LRRTM3: variants seen among roughly 807,000 people sequenced by gnomAD.
LRRTM3 encodes leucine-rich repeat transmembrane neuronal protein 3.
A neutral mutation model predicts 44.7 loss-of-function variants in LRRTM3; 24 were observed. That is an observed-to-expected ratio of 0.54 (90% CI 0.39 to 0.76). LRRTM3 has a LOEUF of 0.76. LRRTM3 is among the 30% of genes least tolerant of loss of function. LRRTM3 has a pLI of 0.00. For missense variants in LRRTM3, 587 were observed against 702.2 expected (o/e 0.84, Z 1.85); for synonymous variants, 277 against 278.7 (o/e 0.99, Z 0.06).
chr10:67,082,676 G>A (rs188195507), intron 2 of LRRTM3, among the ~76,000 whole-genome samples: 33 of 152,242 alleles, frequency 2.2e-4, no homozygotes, highest in African/African-American at 7.9e-4. Flanking sequence ...TTATTTCCAA[G>A]AAGGGCCCTT....
chr10:67,083,527 G>C (rs1857151846), intron 2 of LRRTM3, among the ~76,000 whole-genome samples: 1 of 152,018 alleles, frequency 6.6e-6, no homozygotes, highest in Non-Finnish European at 1.5e-5. Flanking sequence ...AACTACATTT[G>C]AGTTATATGT....
chr10:66,980,730 G>A (rs1850379086), intron 2 of LRRTM3, among the ~76,000 whole-genome samples: 1 of 152,098 alleles, frequency 6.6e-6, no homozygotes, highest in Admixed American at 6.5e-5. Flanking sequence ...TCTCCAAAAT[G>A]GGAATCGTCA....
rs142194084 is a variant in LRRTM3, at chr10:67,043,668, C to T, written c.1537-53919C>T. On this transcript the variant is annotated intron_variant, in intron 2 of 2. Transcript: ENST00000361320. ...GTTAACACCAATTCTTGCAGTAATG[C>T]CTACCCTTTAATCTCCCACTGCTCC... Among the ~76,000 whole-genome samples the T allele has an allele frequency of 9.2e-4, 140 of 152,138 alleles. 3 individuals carry two copies. Among genetic ancestry groups the T allele is most frequent in the African/African-American group, 3.2e-3 (134 of 41,510 alleles).
chr10:66,927,370 C>T lies in LRRTM3; in HGVS notation c.454C>T (p.Gln152Ter). 1 of 1,614,168 alleles carries T rather than the reference C, an allele frequency of 6.2e-7. No homozygotes were observed. Among genetic ancestry groups the T allele is most frequent in the Non-Finnish European group, 8.5e-7 (1 of 1,180,034 alleles). Residue 152 changes from glutamine to a stop codon, truncating the protein, a stop_gained, in exon 2 of 3, where the codon CAG becomes TAG. Transcript: ENST00000361320. LOFTEE classifies it high-confidence loss of function. This position sits in a 1 kb window ranked among gnomAD's most constrained non-coding sequence, Gnocchi z 4.7. Reference sequence around the variant, plus strand: ...TCAGCTGCATTCTCTGGGATCTGAACAGTTTCGGGGCTTGCGGAAGCTGCT... The same window carrying T: ...TCAGCTGCATTCTCTGGGATCTGAATAGTTTCGGGGCTTGCGGAAGCTGCT... ...YNQLHSLGSE[Q>*]FRGLRKLLSL...
chr10:66,974,440 C>T (rs1849908635), intron 2 of LRRTM3, among the ~76,000 whole-genome samples: 1 of 152,144 alleles, frequency 6.6e-6, no homozygotes, highest in Non-Finnish European at 1.5e-5. Context: ...CAGTTTTTGA[C>T]TATTGTGAAT....
chr10:66,961,209 A>G (rs1468854646), intron 2 of LRRTM3, among the ~76,000 whole-genome samples: 3 of 152,158 alleles, frequency 2.0e-5, no homozygotes, highest in African/African-American at 7.2e-5. Context: ...TTATGACAAT[A>G]TTGGTGATTT....
rs181418448 is a variant in LRRTM3, at chr10:67,001,049, T to A, written c.1536+72597T>A. On this transcript the variant is annotated intron_variant, in intron 2 of 2. Transcript: ENST00000361320. ...CAGGTGCAGTGGCTCATGCCTGTAA[T>A]CCCAGCACTTTGGGAGGCCGAGGTG... Among the ~76,000 whole-genome samples the A allele has an allele frequency of 3.9e-4, 59 of 152,146 alleles. No homozygotes were observed. The Middle Eastern group carries it at 0.014, about 35-fold the overall frequency.
intron 2 of LRRTM3, among the ~76,000 whole-genome samples, chr10:66,991,159 G>A (rs933882201): frequency 2.6e-5 from 4 of 152,116 alleles, no homozygotes; most frequent in African/African-American, 7.2e-5. Context: ...GCACTTTGGA[G>A]TTTTTCCAAC....
At chr10:66,953,846 A>T (rs980848186) in intron 2 of LRRTM3, among the ~76,000 whole-genome samples, 1 of 152,146 alleles carries the variant, frequency 6.6e-6, no homozygotes, top group African/African-American at 2.4e-5. Flanking sequence ...GTCAGTTCAA[A>T]TCTCAACCAG....
At chr10:66,986,458 C>T (rs993201634) in intron 2 of LRRTM3, among the ~76,000 whole-genome samples, 2 of 152,068 alleles carry the variant, frequency 1.3e-5, no homozygotes, top group Non-Finnish European at 2.9e-5. Flanking sequence ...GATTTCACCA[C>T]TGCACTCCAG....
intron 2 of LRRTM3, among the ~76,000 whole-genome samples, chr10:66,994,577 A>C (rs1851227884): frequency 6.6e-6 from 1 of 152,208 alleles, no homozygotes; most frequent in Non-Finnish European, 1.5e-5. Context: ...TTAAGTACCA[A>C]GGATACCTAA....
At chr10:67,036,761 A>G (rs1382132613) in intron 2 of LRRTM3, among the ~76,000 whole-genome samples, 1 of 152,180 alleles carries the variant, frequency 6.6e-6, no homozygotes, top group African/African-American at 2.4e-5. Flanking sequence ...TTTCAATTCT[A>G]GAGATACAAC....
rs79778887 is a variant in LRRTM3 at position 67,043,695 on chromosome 10, A to T, written c.1537-53892A>T. Among the ~76,000 whole-genome samples the T allele has an allele frequency of 1.8e-4, 28 of 152,200 alleles. No homozygotes were observed. The East Asian group carries it at 5.4e-3, about 30-fold the overall frequency. On this transcript the variant is annotated intron_variant, in intron 2 of 2. Coordinates refer to ENST00000361320, the MANE Select transcript of LRRTM3 (RefSeq NM_178011.5). ...TACCCTTTAATCTCCCACTGCTCCT[A>T]AAAAGGAATCATCCATCTTTATATG...
chr10:66,933,910 G>A (rs1289576426), intron 2 of LRRTM3, among the ~76,000 whole-genome samples: 1 of 152,116 alleles, frequency 6.6e-6, no homozygotes, highest in Non-Finnish European at 1.5e-5. Context: ...CTCTTTGACA[G>A]CTGAGTTCCT....
chr10:67,001,222 A>G (rs1295461515), intron 2 of LRRTM3, among the ~76,000 whole-genome samples: 1 of 150,672 alleles, frequency 6.6e-6, no homozygotes, highest in East Asian at 2.0e-4. Flanking sequence ...AATCGCTTGA[A>G]CCAGGGACTC....
chr10:67,021,876 T>C lies in LRRTM3; in HGVS notation c.1537-75711T>C, dbSNP rs904778561. On this transcript the variant is annotated intron_variant, in intron 2 of 2. Transcript: ENST00000361320. ...AAACAGGAGTGAAGTACTAGGAGTT[T>C]GAAGGGATGAATGAAAAGAAGGATG... Among the ~76,000 whole-genome samples the C allele has an allele frequency of 2.0e-5, 3 of 152,068 alleles. No individual in the cohort carries two copies. The South Asian group carries it at 6.2e-4, about 32-fold the overall frequency.
At position 67,097,568 on chromosome 10, in the gene LRRTM3, T is replaced by A; in HGVS notation, c.1537-19T>A. On this transcript the variant is annotated intron_variant, in intron 2 of 2. Transcript: ENST00000361320. ...TCCATATTTTTATAACTGACTTTTC[T>A]CATGTCATTTTTCCCCAGATACCTT... The A allele has an allele frequency of 6.2e-7, 1 of 1,607,782 alleles. No homozygotes were observed. The highest frequency in any genetic ancestry group is 8.5e-7 in the Non-Finnish European group (1 of 1,175,504).
intron 2 of LRRTM3, among the ~76,000 whole-genome samples, chr10:67,056,836 C>T (rs1190302334): frequency 6.6e-6 from 1 of 152,122 alleles, no homozygotes; most frequent in African/African-American, 2.4e-5. Flanking sequence ...ACTTGTATAA[C>T]CTGCATCACC....
chr10:66,967,071 T>C (rs10997457), intron 2 of LRRTM3, among the ~76,000 whole-genome samples: 33,681 of 151,968 alleles, frequency 0.22, 3,992 homozygotes, highest in East Asian at 0.37. Flanking sequence ...GGTACCACTA[T>C]AAGCAGGTGA....
Sources: gnomAD v4.1 joint callset for allele counts (sites outside exome capture counted in the v4.1 genomes callset) on GRCh38, gnomAD v4.1.1 for gene constraint, Gnocchi (gnomAD v3.1) non-coding constraint, MANE v1.5 for transcripts, NCBI Gene and HGNC (gene_info 2026-07-23, HGNC 2026-07-21) for gene names.